ARHGAP23: variants seen among roughly 807,000 people sequenced by gnomAD.
The protein encoded by ARHGAP23 is rho GTPase-activating protein 23.
A neutral mutation model predicts 136.3 loss-of-function variants in ARHGAP23; 34 were observed. The ratio of observed to expected loss-of-function variants is 0.25; its 90% CI spans 0.19 to 0.33. The LOEUF (loss-of-function observed/expected upper bound fraction) is 0.33. Ranked by LOEUF, ARHGAP23 falls within the 10% of genes least tolerant of loss-of-function variation. The pLI, the probability that ARHGAP23 is intolerant of heterozygous loss-of-function variation, is 1.00. For synonymous variants in ARHGAP23, 832 were observed against 920.5 expected, an observed-to-expected ratio of 0.90 and a Z score of 1.74; for missense variants, 1,808 against 2,139.0, an observed-to-expected ratio of 0.85 and a Z score of 3.05.
In ARHGAP23 at chr17:38,466,389, G is replaced by A. The variant is rs1308176935; in HGVS notation, c.706G>A (p.Ala236Thr). ...CCCGGGGCTCCGTGTGCCACCTGCTGCCCGTGCCCACCTGGACAACTCTTC... is the reference window on the plus strand; with the variant it reads ...CCCGGGGCTCCGTGTGCCACCTGCTACCCGTGCCCACCTGGACAACTCTTC... ...SDPGLRVPPAARAHLDNSSLG... is the reference protein window; with the variant it reads ...SDPGLRVPPATRAHLDNSSLG... Residue 236 changes from alanine to threonine, a missense_variant, in exon 7 of 24, where the codon GCC (alanine) becomes ACC (threonine). Transcript: ENST00000622683. The A allele has an allele frequency of 1.3e-6, 2 of 1,534,994 alleles. No homozygotes were observed. Among genetic ancestry groups the A allele is most frequent in the Non-Finnish European group, 1.8e-6 (2 of 1,142,474 alleles).
rs147727430 is a variant in ARHGAP23, at chr17:38,500,931, G to A, written c.3447+303G>A. 3,455 of 405,874 alleles carry A rather than the reference G, an allele frequency of 8.5e-3. 65 individuals carry two copies. Among genetic ancestry groups the A allele is most frequent in the African/African-American group, 0.048 (2,338 of 49,136 alleles). The allele number at this position is 405,874 out of a possible 1,614,324, so 25.1% of individuals were successfully genotyped here. A position where few individuals can be genotyped will look rare whatever the true frequency, so the allele number is the denominator to read the frequency against. On this transcript the variant is annotated intron_variant, in intron 23 of 23. Coordinates refer to ENST00000622683, the MANE Select transcript of ARHGAP23 (RefSeq NM_001199417.2). ...CAGACAGTCCTGGGTTTGAGTTCTGGCTCCACCATTTAGTAGTTTGGGACA... is the reference window on the plus strand; with the variant it reads ...CAGACAGTCCTGGGTTTGAGTTCTGACTCCACCATTTAGTAGTTTGGGACA...
chr17:38,459,751 A>T (rs548873904), intron 2 of ARHGAP23, among the ~76,000 whole-genome samples: 1 of 152,196 alleles, frequency 6.6e-6, no homozygotes, highest in Non-Finnish European at 1.5e-5. Flanking sequence ...CCCGTCCTTC[A>T]TGCTGCCACC....
In ARHGAP23 at chr17:38,510,066, C is replaced by T; in HGVS notation, c.3570C>T (p.Asp1190=). 1 of 1,240,918 alleles carries T rather than the reference C, an allele frequency of 8.1e-7. No homozygotes were observed. Among genetic ancestry groups the T allele is most frequent in the Non-Finnish European group, 1.0e-6 (1 of 993,694 alleles). 76.9% of individuals were successfully genotyped at this position (1,240,918 alleles called of 1,614,324 possible). A position where few individuals can be genotyped will look rare whatever the true frequency, so the allele number is the denominator to read the frequency against. The change falls in exon 24 of 24, where the codon GAC becomes GAT. Residue 1190 remains aspartate (D), a synonymous_variant. Coordinates refer to ENST00000622683, the MANE Select transcript of ARHGAP23 (RefSeq NM_001199417.2). The surrounding 1 kb of genome is among the most constrained non-coding windows in gnomAD (Gnocchi z 4.6). ...REARGLGSST[D]DDSEQEAHKP... ...CGCGGGGGCTGGGCAGCAGCACCGA[C>T]GACGACTCGGAGCAGGAGGCGCACA...
At chr17:38,463,444 C>A in intron 6 of ARHGAP23, 62 bp downstream of exon 6, 5 of 1,534,284 alleles carry the variant, frequency 3.3e-6, no homozygotes, top group Non-Finnish European at 4.4e-6. Flanking sequence ...ACCGGCTCCC[C>A]TGGGAGGCAG....
intron 1 of ARHGAP23, among the ~76,000 whole-genome samples, chr17:38,420,457 G>A (rs2038509434): frequency 6.6e-6 from 1 of 152,230 alleles, no homozygotes; most frequent in South Asian, 2.1e-4. Flanking sequence ...TAAAGCAGTG[G>A]CTGGGGGCCC....
chr17:38,423,490 GCCT>G (rs1252226623), upstream of ARHGAP23, among the ~76,000 whole-genome samples: 1 of 151,996 alleles, frequency 6.6e-6, no homozygotes, highest in Non-Finnish European at 1.5e-5. Context: ...TCCTGCCTCA[GCCT>G]CCTGAGTAGC....
At position 38,462,895 on chromosome 17, in the gene ARHGAP23, G is replaced by A. The variant is rs2039494675; in HGVS notation, c.303G>A (p.Lys101=). ...RLEPMDTIFV[K]NVKEDGPAHR... is the part of the protein sequence containing the mutation. ...AGCCCATGGACACCATCTTTGTCAA[G>A]AATGTGAAGGAAGACGGCCCTGCCC... The change falls in exon 4 of 24, where the codon AAG becomes AAA. Residue 101 remains lysine, a synonymous_variant. Transcript: ENST00000622683. 7 of 1,536,690 alleles carry A rather than the reference G, an allele frequency of 4.6e-6. No homozygotes were observed. The East Asian group carries it at 1.7e-4, about 38-fold the overall frequency.
chr17:38,487,834 A>C (rs1203058939), intron 17 of ARHGAP23, among the ~76,000 whole-genome samples: 3 of 152,178 alleles, frequency 2.0e-5, no homozygotes, highest in Non-Finnish European at 4.4e-5. Flanking sequence ...ACTGCACTTC[A>C]GCCTGGGTGA....
intron 20 of ARHGAP23, among the ~76,000 whole-genome samples, chr17:38,494,773 C>T (rs2040354306): frequency 6.6e-6 from 1 of 152,160 alleles, no homozygotes. Context: ...ATGATGAGAA[C>T]TTAGCCAGGC....
chr17:38,498,428 C>T lies in ARHGAP23; in HGVS notation c.3333C>T (p.Asp1111=). The T allele has an allele frequency of 6.5e-7, 1 of 1,548,164 alleles. No homozygotes were observed. Among genetic ancestry groups the T allele is most frequent in the Non-Finnish European group, 8.7e-7 (1 of 1,146,044 alleles). ...EDKGERTPVG[D]KEPQAVPNIE... ...CCTGTTCGCAGACCCCTGTGGGCGA[C>T]AAGGAGCCTCAGGCAGTGCCCAACA... The change falls in exon 22 of 24, where the codon GAC becomes GAT. Residue 1111 remains aspartate, a synonymous_variant. Coordinates refer to ENST00000622683, the MANE Select transcript of ARHGAP23 (RefSeq NM_001199417.2).
intron 1 of ARHGAP23, among the ~76,000 whole-genome samples, chr17:38,431,540 C>A (rs1019711933): frequency 6.6e-6 from 1 of 152,190 alleles, no homozygotes; most frequent in Non-Finnish European, 1.5e-5. Context: ...CCAGGCCCCC[C>A]TGTTTCTTGT....
rs1216347505 is a variant in ARHGAP23, at chr17:38,477,335, G to A, written c.2119-244G>A. 6.6e-6 allele frequency among the ~76,000 whole-genome samples: 1 copy of A among 151,908 alleles called. No homozygotes were observed. The highest frequency in any genetic ancestry group is 1.5e-5 in the Non-Finnish European group (1 of 67,972). On this transcript the variant is annotated intron_variant, in intron 11 of 23. Coordinates refer to ENST00000622683, the MANE Select transcript of ARHGAP23 (RefSeq NM_001199417.2). This position sits in a 1 kb window ranked among gnomAD's most constrained non-coding sequence, Gnocchi z 6.6. ...TGATGCTGGTGTTTAGAGGGGGAGA[G>A]GGTTGGGGTCTGCTGGGGGGCTTTA... is the stretch of plus-strand genomic sequence containing the variant.
At chr17:38,493,090 C>T (rs182420412) in intron 20 of ARHGAP23, among the ~76,000 whole-genome samples, 7 of 152,364 alleles carry the variant, frequency 4.6e-5, no homozygotes, top group Non-Finnish European at 7.3e-5. Flanking sequence ...ACTACTGGCA[C>T]ACAGTGGCTA....
chr17:38,505,243 A>G (rs567866784), intron 23 of ARHGAP23, among the ~76,000 whole-genome samples: 2 of 151,714 alleles, frequency 1.3e-5, no homozygotes, highest in African/African-American at 4.8e-5. Flanking sequence ...CCTGGCTTCA[A>G]TGGATCCTGC....
At position 38,482,097 on chromosome 17, in the gene ARHGAP23, C is replaced by T. The variant is rs769024961; in HGVS notation, c.2705C>T (p.Ala902Val). 1.0e-4 allele frequency: 162 copies of T among 1,550,084 alleles called. No individual in the cohort carries two copies. Among genetic ancestry groups the T allele is most frequent in the East Asian group, 2.4e-4 (10 of 40,872 alleles). ...AAAAATAAGAAGGCCGCTCCGAGGG[C>T]GTTTGGGGTCAGGCTGGAGGAGTGC... ...IKKNKKAAPRAFGVRLEECQP... is the reference protein window; with the variant it reads ...IKKNKKAAPRVFGVRLEECQP... The change falls in exon 15 of 24, where the codon GCG becomes GTG. Residue 902 changes from alanine to valine, a missense_variant. By Grantham distance (64) the Ala-to-Val change is moderately conservative. This residue lies in a region of ARHGAP23 where 73 missense variants were observed against 82.5 expected (regional missense o/e 0.88). Coordinates refer to ENST00000622683, the MANE Select transcript of ARHGAP23 (RefSeq NM_001199417.2).
chr17:38,449,320 C>A (rs1016213981), intron 1 of ARHGAP23, among the ~76,000 whole-genome samples: 3 of 152,182 alleles, frequency 2.0e-5, no homozygotes, highest in African/African-American at 7.2e-5. Flanking sequence ...TCTGGGGAGA[C>A]CCTGGGAACC....
chr17:38,470,358 G>T (rs534269097), intron 10 of ARHGAP23, among the ~76,000 whole-genome samples: 1 of 152,338 alleles, frequency 6.6e-6, no homozygotes, highest in African/African-American at 2.4e-5. Context: ...CTTATATTTG[G>T]GGCTTCATTT....
At chr17:38,503,965 T>C (rs2040575102) in intron 23 of ARHGAP23, among the ~76,000 whole-genome samples, 1 of 152,204 alleles carries the variant, frequency 6.6e-6, no homozygotes, top group Admixed American at 6.5e-5. Context: ...TTTCATTTCA[T>C]TTTTACGGAA....
intron 20 of ARHGAP23, 46 bp downstream of exon 20, chr17:38,491,578 G>A (rs1210200092): frequency 1.3e-6 from 2 of 1,548,344 alleles, no homozygotes; most frequent in Admixed American, 3.9e-5. Flanking sequence ...TGGGGCCCAG[G>A]CCATGTTCCT....
Sources: gnomAD v4.1 joint callset for allele counts (sites outside exome capture counted in the v4.1 genomes callset) on GRCh38, gnomAD v4.1.1 for gene constraint, gnomAD v4.1.1 regional missense constraint, Gnocchi (gnomAD v3.1) non-coding constraint, MANE v1.5 for transcripts, NCBI Gene and HGNC (gene_info 2026-07-23, HGNC 2026-07-21) for gene names.